The following RBPJ variants were observed in gnomAD, a reference collection of about 807,000 sequenced individuals.
RBPJ encodes the protein recombination signal binding protein for immunoglobulin kappa J region.
A neutral mutation model predicts 67.8 loss-of-function variants in RBPJ; 9 were observed. The observed-to-expected ratio is 0.13, with a 90% CI of 0.08 to 0.23. RBPJ has a LOEUF of 0.23. RBPJ is among the 10% of genes least tolerant of loss of function. The pLI, the probability that RBPJ is intolerant of heterozygous loss-of-function variation, is 1.00. For missense variants in RBPJ, 305 were observed against 595.6 expected (o/e 0.51, Z 5.08); for synonymous variants, 198 against 203.3 (o/e 0.97, Z 0.22).
intron 1 of RBPJ, among the ~76,000 whole-genome samples, chr4:26,164,840 C>T (rs963357010): frequency 6.6e-6 from 1 of 152,074 alleles, no homozygotes; most frequent in African/African-American, 2.4e-5. Context: ...CACAGCAATT[C>T]CAGAAGGTGT....
intron 1 of RBPJ, among the ~76,000 whole-genome samples, chr4:26,284,064 C>T (rs181009669): frequency 1.3e-5 from 2 of 152,214 alleles, no homozygotes; most frequent in Admixed American, 1.3e-4. Context: ...CCAAAATACA[C>T]GATTAAATAT....
At chr4:26,177,248 T>C (rs1426707176) in intron 1 of RBPJ, among the ~76,000 whole-genome samples, 1 of 151,950 alleles carries the variant, frequency 6.6e-6, no homozygotes, top group Non-Finnish European at 1.5e-5. Context: ...CATGAGAGGG[T>C]GAAGAGCAGT....
chr4:26,184,340 C>T (rs546577884), intron 1 of RBPJ, among the ~76,000 whole-genome samples: 2 of 152,142 alleles, frequency 1.3e-5, no homozygotes, highest in East Asian at 1.9e-4. Flanking sequence ...GACTCAGCTC[C>T]GACTGTAACA....
the RBPJ span, among the ~76,000 whole-genome samples, chr4:26,136,395 C>A: frequency 6.6e-6 from 1 of 152,218 alleles, no homozygotes; most frequent in Non-Finnish European, 1.5e-5. Context: ...GCCCCAGGAG[C>A]CCTTCCTTGT....
chr4:26,386,995 G>GAT (rs201382195), intron 2 of RBPJ, among the ~76,000 whole-genome samples: 161 of 150,904 alleles, frequency 1.1e-3, no homozygotes, highest in East Asian at 8.7e-3. Context: ...AAGAAAATGA[G>GAT]ATATATATAT....
intron 5 of RBPJ, among the ~76,000 whole-genome samples, chr4:26,422,092 G>A (rs535389184): frequency 6.6e-6 from 1 of 152,114 alleles, no homozygotes; most frequent in East Asian, 1.9e-4. Context: ...CTGATTATAT[G>A]TTTCTCTGTC....
At chr4:26,210,743 C>A (rs76956252) in intron 1 of RBPJ, among the ~76,000 whole-genome samples, 5,310 of 69,452 alleles carry the variant, frequency 0.076, 277 homozygotes, top group Non-Finnish European at 0.09. Flanking sequence ...TTACTTCTTT[C>A]CTTCTTTCCT....
At chr4:26,332,718 A>G (rs893212558) in intron 1 of RBPJ, among the ~76,000 whole-genome samples, 3 of 152,174 alleles carry the variant, frequency 2.0e-5, no homozygotes, top group African/African-American at 7.2e-5. Context: ...TGGTGCCATC[A>G]TATCCCACTG....
chr4:26,113,706 T>C, the RBPJ span: 1 of 276,590 alleles, frequency 3.6e-6, no homozygotes, highest in Non-Finnish European at 7.8e-6. Flanking sequence ...TCAAATCTCA[T>C]TGTCCATCAA....
At chr4:26,299,854 T>G (rs912071433) in intron 1 of RBPJ, among the ~76,000 whole-genome samples, 3 of 151,794 alleles carry the variant, frequency 2.0e-5, no homozygotes, top group Admixed American at 1.3e-4. Context: ...AATTTTTTTT[T>G]TTGTTTTCGT....
At chr4:26,174,460 A>G (rs1015433572) in intron 1 of RBPJ, among the ~76,000 whole-genome samples, 2 of 152,076 alleles carry the variant, frequency 1.3e-5, no homozygotes, top group African/African-American at 4.8e-5. Flanking sequence ...ACAGATGAGC[A>G]TTTTTATTTT....
chr4:26,369,935 C>T (rs989676761), intron 1 of RBPJ, among the ~76,000 whole-genome samples: 2 of 152,156 alleles, frequency 1.3e-5, no homozygotes, highest in African/African-American at 4.8e-5. Context: ...AAAGAGTTTG[C>T]TGTACATTCT....
intron 1 of RBPJ, among the ~76,000 whole-genome samples, chr4:26,237,887 G>A (rs1719505820): frequency 6.7e-6 from 1 of 149,396 alleles, no homozygotes; most frequent in Admixed American, 6.7e-5. Context: ...TTTGTTTTTT[G>A]TTTTGTTTTG....
chr4:26,158,945 T>TTCTCTCTCTCTC (rs5856933), upstream of RBPJ, among the ~76,000 whole-genome samples: 3,503 of 136,744 alleles, frequency 0.026, 133 homozygotes, highest in East Asian at 0.036. Flanking sequence ...CTCTCTCTCT[T>TTCTCTCTCTCTC]TCTCTCTCTC....
Position 26,243,311 on chromosome 4 carries a change from GC to G in RBPJ, c.-167+79698del, listed in dbSNP as rs138862551. The stretch of plus-strand genomic sequence containing the variant: ...GTTATTCAGAGATGATGGGTATCTC[GC>G]AGAAATTTTCTTAAAAAATAAATGA... On this transcript the variant is annotated intron_variant, in intron 1 of 4. Transcript: ENST00000512351. Among the ~76,000 whole-genome samples the G allele has an allele frequency of 3.3e-3, 500 of 152,234 alleles. 3 individuals carry two copies. The highest frequency in any genetic ancestry group is 4.7e-3 in the Non-Finnish European group (319 of 68,006).
chr4:26,211,587 T>C (rs1033248465), intron 1 of RBPJ, among the ~76,000 whole-genome samples: 59 of 152,188 alleles, frequency 3.9e-4, no homozygotes, highest in African/African-American at 1.4e-3. Context: ...ATAAGTATGA[T>C]TTATTGAGAG....
intron 1 of RBPJ, among the ~76,000 whole-genome samples, chr4:26,279,520 C>A (rs1260729738): frequency 6.6e-6 from 1 of 152,200 alleles, no homozygotes; most frequent in Non-Finnish European, 1.5e-5. Flanking sequence ...TCGTGATCCA[C>A]CCGCCTCGGC....
chr4:26,318,593 C>T (rs1454084359), upstream of RBPJ, among the ~76,000 whole-genome samples: 3 of 152,122 alleles, frequency 2.0e-5, no homozygotes, highest in South Asian at 2.1e-4. Flanking sequence ...TGTCCTTAAA[C>T]GGGAGCAAGA....
chr4:26,149,605 G>A, the RBPJ span, among the ~76,000 whole-genome samples: 1 of 152,180 alleles, frequency 6.6e-6, no homozygotes, highest in Non-Finnish European at 1.5e-5. Flanking sequence ...TGTTACAAAA[G>A]TGAGCTCAGC....
Sources: gnomAD v4.1 joint callset for allele counts (sites outside exome capture counted in the v4.1 genomes callset) on GRCh38, gnomAD v4.1.1 for gene constraint, MANE v1.5 for transcripts, NCBI Gene and HGNC (gene_info 2026-07-23, HGNC 2026-07-21) for gene names.